OSBPL8: variants seen among roughly 807,000 people sequenced by gnomAD.
OSBPL8 encodes oxysterol binding protein like 8, also known as oxysterol-binding protein-related protein 8.
OSBPL8 carries 59 observed loss-of-function variants against 125.5 expected under a neutral mutation model. The observed-to-expected ratio is 0.47, with a 90% CI of 0.38 to 0.58. The LOEUF (loss-of-function observed/expected upper bound fraction) is 0.58. Among genes scored for constraint, OSBPL8 ranks in the 20% least tolerant of loss-of-function variants. The pLI is 0.00. For missense variants in OSBPL8, 758 were observed against 1,047.8 expected (o/e 0.72, Z 3.82); for synonymous variants, 330 against 338.9 (o/e 0.97, Z 0.29).
rs1953887789 is a variant in OSBPL8 at position 76,398,032 on chromosome 12, C to T, written c.469-135G>A. On this transcript the variant is annotated intron_variant, in intron 7 of 23. Transcript: ENST00000261183. ...TAAATATTTTATTTAAAAGCTACTA[C>T]ATGGCAAGCACAGCAAACAGACATG... The T allele has an allele frequency of 1.2e-5, 9 of 741,940 alleles. 2 individuals carry two copies. The South Asian group carries it at 1.8e-4, about 15-fold the overall frequency. 46.0% of individuals were successfully genotyped at this position (741,940 alleles called of 1,614,324 possible). A position where few individuals can be genotyped will look rare whatever the true frequency, so the allele number is the denominator to read the frequency against.
intron 1 of OSBPL8, among the ~76,000 whole-genome samples, chr12:76,528,733 C>T (rs1437979040): frequency 6.6e-6 from 1 of 152,008 alleles, no homozygotes; most frequent in African/African-American, 2.4e-5. Context: ...GCTATAGCTA[C>T]AGACAGCTAC....
chr12:76,356,794 C>T, intron 22 of OSBPL8, 66 bp from the exon 23 acceptor site: 1 of 1,113,542 alleles, frequency 9.0e-7, no homozygotes. Flanking sequence ...TAATGTGTCT[C>T]ATGTAATAAA....
chr12:76,536,948 A>C (rs1950517189), intron 1 of OSBPL8: 1 of 152,516 alleles, frequency 6.6e-6, no homozygotes, highest in Non-Finnish European at 1.5e-5. Context: ...TCAACCATTT[A>C]AAACAGAGAA....
intron 1 of OSBPL8, among the ~76,000 whole-genome samples, chr12:76,492,683 T>C (rs1214980548): frequency 6.6e-6 from 1 of 152,188 alleles, no homozygotes; most frequent in African/African-American, 2.4e-5. Context: ...GAGAATCTAA[T>C]GCCTGATGGT....
At chr12:76,414,866 C>A (rs1039050534) in intron 4 of OSBPL8, among the ~76,000 whole-genome samples, 1 of 152,098 alleles carries the variant, frequency 6.6e-6, no homozygotes, top group African/African-American at 2.4e-5. Context: ...TTAAGATAAT[C>A]ATATTATTTT....
intron 1 of OSBPL8, among the ~76,000 whole-genome samples, chr12:76,513,939 T>C (rs1881272838): frequency 1.3e-5 from 2 of 152,170 alleles, no homozygotes; most frequent in South Asian, 2.1e-4. Flanking sequence ...TTAATATGTG[T>C]GGATTTGATC....
intron 2 of OSBPL8, among the ~76,000 whole-genome samples, chr12:76,466,904 G>A (rs1875509195): frequency 6.6e-6 from 1 of 151,842 alleles, no homozygotes; most frequent in Non-Finnish European, 1.5e-5. Context: ...GGCGGAGGCT[G>A]CAGTGAGCCA....
intron 1 of OSBPL8, among the ~76,000 whole-genome samples, chr12:76,513,123 C>T (rs1261520678): frequency 6.6e-6 from 1 of 152,186 alleles, no homozygotes; most frequent in Non-Finnish European, 1.5e-5. Context: ...TTTTCTTAGT[C>T]TTGACTTCTA....
In OSBPL8 at chr12:76,422,866, TG is replaced by T. The variant is rs1465076168; in HGVS notation, c.218-12233del. The stretch of plus-strand genomic sequence containing the variant: ...TGACAGAAAAAGCATTAAACCATGC[TG>T]CTGATTTTTTAAAAAAAGGAACTGA... On this transcript the variant is annotated intron_variant, in intron 4 of 23. Transcript: ENST00000261183. The T allele has an allele frequency of 1.4e-5, 3 of 217,500 alleles. No homozygotes were observed. The East Asian group carries it at 2.7e-4, about 20-fold the overall frequency. 13.5% of individuals were successfully genotyped at this position (217,500 alleles called of 1,614,324 possible). A position where few individuals can be genotyped will look rare whatever the true frequency, so the allele number is the denominator to read the frequency against.
At chr12:76,546,420 T>C (rs1365495421) in intron 1 of OSBPL8, among the ~76,000 whole-genome samples, 2 of 152,134 alleles carry the variant, frequency 1.3e-5, no homozygotes, top group South Asian at 4.1e-4. Flanking sequence ...CTTGGGAAAA[T>C]AATAAGAGCC....
chr12:76,440,304 AT>A (rs913575034), intron 4 of OSBPL8, among the ~76,000 whole-genome samples: 1 of 150,880 alleles, frequency 6.6e-6, no homozygotes, highest in Non-Finnish European at 1.5e-5. Context: ...CGTATTGATG[AT>A]TTTTTTTTCA....
chr12:76,450,143 A>T (rs900767306), intron 4 of OSBPL8, among the ~76,000 whole-genome samples: 9 of 152,184 alleles, frequency 5.9e-5, no homozygotes, highest in African/African-American at 2.2e-4. Context: ...TTTGTCCCTC[A>T]AGGGATACTT....
Position 76,390,566 on chromosome 12 carries a change from C to A in OSBPL8, c.1021G>T (p.Glu341Ter). 1 of 1,613,748 alleles carries A rather than the reference C, an allele frequency of 6.2e-7. No individual in the cohort carries two copies. The highest frequency in any genetic ancestry group is 8.5e-7 in the Non-Finnish European group (1 of 1,179,792). Residue 341 changes from glutamate (E) to a stop codon, truncating the protein, a stop_gained, in exon 11 of 24, where the codon GAG becomes TAG. Transcript: ENST00000261183. LOFTEE classifies it high-confidence loss of function. The part of the protein sequence containing the change: ...SDKENDQEHD[E>*]SDNEVMGKSE... ...TTCCCCATCACCTCATTATCAGACTCATCATGTTCTTGATCATTTTCTTTA... is the reference window on the plus strand; with the variant it reads ...TTCCCCATCACCTCATTATCAGACTAATCATGTTCTTGATCATTTTCTTTA...
rs1445311409 is a variant in OSBPL8, at chr12:76,354,722, G to A, written c.*1167C>T. 1 of 151,832 alleles carries A rather than the reference G, an allele frequency of 6.6e-6. No homozygotes were observed. Among genetic ancestry groups the A allele is most frequent in the East Asian group, 1.9e-4 (1 of 5,196 alleles). The allele number at this position is 151,832 out of a possible 1,614,324, so 9.4% of individuals were successfully genotyped here. A position where few individuals can be genotyped will look rare whatever the true frequency, so the allele number is the denominator to read the frequency against. On this transcript the variant is annotated 3_prime_UTR_variant, in exon 24 of 24. Coordinates refer to ENST00000261183, the MANE Select transcript of OSBPL8 (RefSeq NM_020841.5). The stretch of plus-strand genomic sequence containing the variant: ...AAATTTGCCTTAGCCTGAACAATAG[G>A]AATCTTAAAGAATTGTGGTTTTGCC...
chr12:76,528,740 C>A (rs1327697029), intron 1 of OSBPL8, among the ~76,000 whole-genome samples: 2 of 151,950 alleles, frequency 1.3e-5, no homozygotes, highest in African/African-American at 4.8e-5. Context: ...CTACAGACAG[C>A]TACTAGGGAA....
chr12:76,462,558 C>G (rs987270555), intron 2 of OSBPL8, among the ~76,000 whole-genome samples: 5 of 152,056 alleles, frequency 3.3e-5, no homozygotes, highest in Non-Finnish European at 1.5e-5. Flanking sequence ...GTAAGCAAAA[C>G]AGACAAAAAT....
chr12:76,460,048 C>T (rs1006640204), intron 2 of OSBPL8, among the ~76,000 whole-genome samples, 153 bp from the exon 3 acceptor site: 21 of 151,996 alleles, frequency 1.4e-4, no homozygotes, highest in Non-Finnish European at 1.9e-4. Flanking sequence ...TAGTAATAAC[C>T]GTAATAATTT....
At chr12:76,514,947 C>G (rs1413938180) in intron 1 of OSBPL8, among the ~76,000 whole-genome samples, 1 of 152,190 alleles carries the variant, frequency 6.6e-6, no homozygotes, top group African/African-American at 2.4e-5. Context: ...GTTGTTAATA[C>G]TTGTGATTGC....
rs530018978 is a variant in OSBPL8 at position 76,426,777 on chromosome 12, A to G, written c.218-16143T>C. On this transcript the variant is annotated intron_variant, in intron 4 of 23. Transcript: ENST00000261183. ...CTCAGATTGTTGCTGGATACATAGA[A>G]AACATTTCATTGTAAGCTATTATTA... 2.0e-5 allele frequency among the ~76,000 whole-genome samples: 3 copies of G among 152,312 alleles called. No homozygotes were observed. The East Asian group carries it at 5.8e-4, about 29-fold the overall frequency.
Sources: gnomAD v4.1 joint callset for allele counts (sites outside exome capture counted in the v4.1 genomes callset) on GRCh38, gnomAD v4.1.1 for gene constraint, MANE v1.5 for transcripts, NCBI Gene and HGNC (gene_info 2026-07-23, HGNC 2026-07-21) for gene names.